CADM1: variants seen among roughly 807,000 people sequenced by gnomAD.
CADM1 encodes the protein TSLC-1.
A neutral mutation model predicts 53.1 loss-of-function variants in CADM1; 15 were observed. The observed-to-expected ratio is 0.28, with a 90% CI of 0.19 to 0.44. The LOEUF is 0.44. Among genes scored for constraint, CADM1 ranks in the 20% least tolerant of loss-of-function variants. The pLI is 1.00. For synonymous variants in CADM1, 281 were observed against 243.0 expected (o/e 1.16, Z -1.45); for missense variants, 434 against 611.3 (o/e 0.71, Z 3.06).
intron 1 of CADM1, among the ~76,000 whole-genome samples, chr11:115,290,037 G>A (rs1943846552): frequency 6.6e-6 from 1 of 152,194 alleles, no homozygotes; most frequent in African/African-American, 2.4e-5. Context: ...TGATTTGAAT[G>A]TAGATTCCAC....
chr11:115,335,982 C>A (rs555973634), intron 1 of CADM1, among the ~76,000 whole-genome samples: 3 of 152,226 alleles, frequency 2.0e-5, no homozygotes, highest in African/African-American at 7.2e-5. Context: ...GCCAAATACG[C>A]GTCTGAATAA....
At chr11:115,504,249 A>G in intron 1 of CADM1, 22 bp downstream of exon 1, 1 of 1,568,286 alleles carries the variant, frequency 6.4e-7, no homozygotes, top group African/African-American at 1.4e-5. Context: ...TTAGGGGCCA[A>G]CCGGTCGGTG....
intron 1 of CADM1, among the ~76,000 whole-genome samples, chr11:115,498,734 A>G (rs1045146936): frequency 1.3e-5 from 2 of 152,210 alleles, no homozygotes; most frequent in Non-Finnish European, 2.9e-5. Flanking sequence ...TCCTCAGTAA[A>G]GCTAAGGCAA....
rs1949798103 is a variant in CADM1 at position 115,504,149 on chromosome 11, C to A, written c.124+122G>T. 5 of 1,421,876 alleles carry A rather than the reference C, an allele frequency of 3.5e-6. No individual in the cohort carries two copies. The South Asian group carries it at 5.2e-5, about 15-fold the overall frequency. 88.1% of individuals were successfully genotyped at this position (1,421,876 alleles called of 1,614,324 possible). On this transcript the variant is annotated intron_variant, in intron 1 of 11. Transcript: ENST00000331581. ...AGCCCTGAGTTTCCTCTCCACACTC[C>A]CTCCGCTTCGGATGTAGGAAGTGGG... is the stretch of plus-strand genomic sequence containing the variant.
chr11:115,347,441 C>T (rs1439175505), intron 1 of CADM1, among the ~76,000 whole-genome samples: 1 of 152,184 alleles, frequency 6.6e-6, no homozygotes, highest in Non-Finnish European at 1.5e-5. Context: ...ATTAGCATCA[C>T]ATACAAGCTG....
chr11:115,252,200 T>C (rs999209027), intron 1 of CADM1, among the ~76,000 whole-genome samples: 1 of 152,242 alleles, frequency 6.6e-6, no homozygotes, highest in African/African-American at 2.4e-5. Flanking sequence ...TGAATGTTTC[T>C]ATATTTTAAA....
intron 3 of CADM1, among the ~76,000 whole-genome samples, chr11:115,238,007 A>C (rs1019322641): frequency 6.6e-6 from 1 of 152,178 alleles, no homozygotes; most frequent in Non-Finnish European, 1.5e-5. Flanking sequence ...TTTACAGCAT[A>C]ATCTAGAGTA....
At chr11:115,251,253 T>C (rs1555049698) in intron 1 of CADM1, among the ~76,000 whole-genome samples, 1 of 152,238 alleles carries the variant, frequency 6.6e-6, no homozygotes. Context: ...TCTACGTGGC[T>C]GAAATGTGGC....
At chr11:115,458,493 A>AATTATTATTATT (rs67114126) in intron 1 of CADM1, among the ~76,000 whole-genome samples, 16 of 143,636 alleles carry the variant, frequency 1.1e-4, no homozygotes, top group South Asian at 4.5e-4. Context: ...TGTTAGCTGT[A>AATTATTATTATT]ATTATTATTA....
At position 115,206,758 on chromosome 11, in the gene CADM1, C is replaced by CTTTTTTTTTTTTTTTTTTTTT. The variant is rs56270694; in HGVS notation, c.1078+2795_1078+2815dup. ...AAAAGAAATAGATGACTGTGGACTT[C>CTTTTTTTTTTTTTTTTTTTTT]TTTTTTTTTTTTTTTTTTTTTTTTT... On this transcript the variant is annotated intron_variant, in intron 8 of 11. Transcript: ENST00000331581. Among the ~76,000 whole-genome samples the CTTTTTTTTTTTTTTTTTTTTT allele has an allele frequency of 3.9e-4, 15 of 38,228 alleles. 6 individuals are homozygous for CTTTTTTTTTTTTTTTTTTTTT. In the East Asian group the frequency reaches 8.4e-3, roughly 21 times the overall value. 25.1% of individuals were successfully genotyped at this position (38,228 alleles called of 152,430 possible).
intron 1 of CADM1, among the ~76,000 whole-genome samples, chr11:115,429,790 G>A (rs1047163103): frequency 6.6e-5 from 10 of 152,130 alleles, no homozygotes; most frequent in Non-Finnish European, 1.0e-4. Context: ...TAGATAATGT[G>A]ATTTTAGGTG....
At chr11:115,262,764 C>G (rs1381272112) in intron 1 of CADM1, among the ~76,000 whole-genome samples, 1 of 151,550 alleles carries the variant, frequency 6.6e-6, no homozygotes, top group African/African-American at 2.4e-5. Context: ...AGGGTTTCTT[C>G]ACCTAAGCTT....
intron 1 of CADM1, among the ~76,000 whole-genome samples, chr11:115,440,257 T>C (rs772897323): frequency 2.0e-5 from 3 of 152,254 alleles, no homozygotes; most frequent in Admixed American, 6.5e-5. Context: ...TTTCATCTCC[T>C]GACAGAGGCT....
intron 1 of CADM1, among the ~76,000 whole-genome samples, chr11:115,369,026 TAAAAAAAAAAAAAAAAAA>T (rs552309443): frequency 2.2e-5 from 1 of 44,748 alleles, no homozygotes; most frequent in African/African-American, 8.4e-5. Flanking sequence ...AAAAAAAATC[TAAAAAAAAAAAAAAAAAA>T]AAAAAAAAAA....
chr11:115,295,529 TA>T (rs1323577393), intron 1 of CADM1, among the ~76,000 whole-genome samples: 43 of 85,410 alleles, frequency 5.0e-4, no homozygotes, highest in African/African-American at 2.8e-3. Flanking sequence ...TATATATATA[TA>T]TATATATATA....
At chr11:115,229,084 C>A (rs777841611) in intron 5 of CADM1, 29 bp downstream of exon 5, 1 of 1,612,236 alleles carries the variant, frequency 6.2e-7, no homozygotes, top group Admixed American at 1.7e-5. Context: ...CAACTCTACG[C>A]CCTCAGAATA....
chr11:115,373,583 CAAAAAAAAAAAAA>C (rs35059216), intron 1 of CADM1, among the ~76,000 whole-genome samples: 4 of 48,830 alleles, frequency 8.2e-5, no homozygotes, highest in Admixed American at 4.7e-4. Flanking sequence ...GACTCTGTCT[CAAAAAAAAAAAAA>C]AAAAAAAAAA....
At chr11:115,190,415 C>T (rs1240021238) in intron 10 of CADM1, among the ~76,000 whole-genome samples, 2 of 152,080 alleles carry the variant, frequency 1.3e-5, no homozygotes, top group East Asian at 1.9e-4. Context: ...CCTCCCTGCC[C>T]TTCCCCACCC....
At chr11:115,427,937 C>CTTTTTCAACCT in intron 1 of CADM1, among the ~76,000 whole-genome samples, 3 of 134,644 alleles carry the variant, frequency 2.2e-5, no homozygotes, top group African/African-American at 8.4e-5. Flanking sequence ...GCCCATGAGG[C>CTTTTTCAACCT]GGAGCTTGCA....
Sources: gnomAD v4.1 joint callset for allele counts (sites outside exome capture counted in the v4.1 genomes callset) on GRCh38, gnomAD v4.1.1 for gene constraint, MANE v1.5 for transcripts, NCBI Gene and HGNC (gene_info 2026-07-23, HGNC 2026-07-21) for gene names.